Variants in WDR90 observed in about 807,000 individuals in gnomAD.
The protein encoded by WDR90 is WD repeat-containing protein 90.
Under a neutral mutation model 195.2 loss-of-function variants are expected in WDR90, and 238 were observed. That is an observed-to-expected ratio of 1.22 (90% confidence interval 1.10 to 1.36). WDR90 has a LOEUF of 1.36. WDR90 is among the 40% of genes most tolerant of loss of function. The pLI, the probability that WDR90 is intolerant of heterozygous loss-of-function variation, is 0.00. For missense variants in WDR90, 2,734 were observed against 2,439.5 expected (o/e 1.12, Z -2.54); for synonymous variants, 1,265 against 1,052.4 (o/e 1.20, Z -3.91).
intron 27 of WDR90, 95 bp downstream of exon 27, chr16:660,256 G>C (rs907670460): frequency 3.5e-6 from 4 of 1,159,100 alleles, no homozygotes; most frequent in African/African-American, 1.6e-5. Context: ...GCTTTTGGTC[G>C]CCAAAGGTGA....
At chr16:663,014 A>C in intron 34 of WDR90, 170 bp downstream of exon 34, 1 of 1,016,782 alleles carries the variant, frequency 9.8e-7, no homozygotes, top group Non-Finnish European at 1.5e-6. Context: ...CGTCCCCTCA[A>C]AGCCGTCCCG....
chr16:658,769 A>AC (rs781525238), intron 23 of WDR90, 116 bp downstream of exon 23: 322 of 1,548,820 alleles, frequency 2.1e-4, no homozygotes, highest in Non-Finnish European at 2.7e-4. Context: ...GGTGAGAGTG[A>AC]CCCCCCAAGG....
rs1362424927 is a variant in WDR90, at chr16:662,244, G to T, written c.4058G>T (p.Arg1353Leu). The part of the protein sequence containing the change: ...GIGLLLFSGS[R>L]LVSGSSTGRL... ...GGGCTGTTGCTGTTCTCGGGTTCTC[G>T]ATTGGTCAGCGGCAGCAGCACGGGG... is the stretch of plus-strand genomic sequence containing the variant. Residue 1353 changes from arginine to leucine, a missense_variant, in exon 33 of 41, where the codon CGA (arginine) becomes CTA (leucine). Physicochemically the swap from Arg to Leu is moderately radical, Grantham distance 102. Transcript: ENST00000293879. 1 of 1,579,948 alleles carries T rather than the reference G, an allele frequency of 6.3e-7. No individual in the cohort carries two copies. Among genetic ancestry groups the T allele is most frequent in the Non-Finnish European group, 8.6e-7 (1 of 1,164,142 alleles).
intron 10 of WDR90, 45 bp from the exon 11 acceptor site, chr16:653,296 G>A: frequency 7.0e-7 from 1 of 1,430,176 alleles, no homozygotes; most frequent in Non-Finnish European, 9.2e-7. Context: ...GCCAGGAGGG[G>A]CCTGGCGTAG....
chr16:649,367 T>G lies in WDR90; in HGVS notation c.-50T>G. The G allele has an allele frequency of 7.5e-7, 1 of 1,331,084 alleles. No individual in the cohort carries two copies. The allele number at this position is 1,331,084 out of a possible 1,614,324, so 82.5% of individuals were successfully genotyped here. On this transcript the variant is annotated 5_prime_UTR_variant, in exon 1 of 41. Transcript: ENST00000293879. ...CGTTGCCTGGCGTCGCGGGGCGTAC[T>G]CTGCGCTGGGCGCGCGGAGGCCTAG...
At chr16:662,984 G>A (rs1433035052) in intron 34 of WDR90, 140 bp downstream of exon 34, 14 of 1,338,438 alleles carry the variant, frequency 1.0e-5, no homozygotes, top group South Asian at 6.3e-5. Flanking sequence ...GGTTCCCAGC[G>A]GGGAAGTCTT....
Position 655,308 on chromosome 16 carries a change from A to C in WDR90, c.1558A>C (p.Met520Leu). The C allele has an allele frequency of 6.2e-7, 1 of 1,606,462 alleles. No individual in the cohort carries two copies. Among genetic ancestry groups the C allele is most frequent in the Non-Finnish European group, 8.5e-7 (1 of 1,179,700 alleles). Residue 520 changes from methionine (M) to leucine (L), a missense_variant and splice_region_variant, in exon 15 of 41, where the codon ATG becomes CTG. Met to Leu is a conservative substitution (Grantham distance 15). Coordinates refer to ENST00000293879, the MANE Select transcript of WDR90 (RefSeq NM_145294.5). ...GTGCTCAGTCCTCATTCCTTGCAGG[A>C]TGGCGTCGTGCGGGCAGGGCAGTGT... is the stretch of plus-strand genomic sequence containing the variant. The part of the protein sequence containing the change: ...FRVTFFDETR[M>L]ASCGQGSVRL...
In WDR90 at chr16:667,588, G is replaced by C; in HGVS notation, c.5246G>C (p.Ter1749SerextTer54). The C allele has an allele frequency of 3.1e-6, 5 of 1,607,116 alleles. No homozygotes were observed. The highest frequency in any genetic ancestry group is 4.2e-6 in the Non-Finnish European group (5 of 1,179,952). ...EILVWEVPGL[*>S] The stretch of plus-strand genomic sequence containing the variant: ...CTTGTGTGGGAGGTCCCCGGCCTCT[G>C]AGATGCAGCAGGGACTGTGGTGGTG... The change falls in exon 41 of 41, where the codon TGA becomes TCA. Residue 1749 changes from the stop codon to serine, a stop_lost. Coordinates refer to ENST00000293879, the MANE Select transcript of WDR90 (RefSeq NM_145294.5).
Position 656,402 on chromosome 16 carries a change from C to T in WDR90, c.2067C>T (p.Ser689=), listed in dbSNP as rs1425807535. Residue 689 remains serine (S), a synonymous_variant, in exon 18 of 41, where the codon TCC becomes TCT. Transcript: ENST00000293879. ...ACCTGGGCTTCCTGGACACGCTGTC[C>T]CGGGTGTACCACATGCTGGCTCGCT... ...SGHLGFLDTL[S]RVYHMLARSH... is the part of the protein sequence containing the mutation. The T allele has an allele frequency of 4.4e-6, 7 of 1,608,212 alleles. No individual in the cohort carries two copies. The highest frequency in any genetic ancestry group is 2.2e-4 in the Middle Eastern group (1 of 4,576).
intron 2 of WDR90, 35 bp from the exon 3 acceptor site, chr16:649,956 G>C (rs1045992072): frequency 6.2e-7 from 1 of 1,609,944 alleles, no homozygotes. Context: ...ACTTCTTCTG[G>C]GTGCTGTCGG....
At position 656,783 on chromosome 16, in the gene WDR90, C is replaced by T. The variant is rs750079031; in HGVS notation, c.2254C>T (p.Pro752Ser). 9 of 1,613,132 alleles carry T rather than the reference C, an allele frequency of 5.6e-6. No individual in the cohort carries two copies. Among genetic ancestry groups the T allele is most frequent in the Non-Finnish European group, 7.6e-6 (9 of 1,179,978 alleles). Reference protein sequence around the residue: ...EDAPCAVTFHPTRPTFFCGFS... With the variant: ...EDAPCAVTFHSTRPTFFCGFS... ...CGCCCCGTGCGCTGTCACCTTCCAC[C>T]CCACAAGGCCAACCTTTTTCTGTGG... The change falls in exon 19 of 41, where the codon CCC becomes TCC. Residue 752 changes from proline (P) to serine (S), a missense_variant. Pro to Ser is a moderately conservative substitution (Grantham distance 74). Coordinates refer to ENST00000293879, the MANE Select transcript of WDR90 (RefSeq NM_145294.5).
rs915323536 is a variant in WDR90, at chr16:653,418, G to A, written c.1200G>A (p.Gly400=). The A allele has an allele frequency of 2.5e-6, 4 of 1,611,388 alleles. No individual in the cohort carries two copies. Among genetic ancestry groups the A allele is most frequent in the Admixed American group, 1.7e-5 (1 of 59,444 alleles). ...TCGTCGTCCTGCTCGTGGACACGGG[G>A]GAGCAGCGCTTCTTCCTTGGCCACA... ...AVIVVLLVDT[G]EQRFFLGHTD... The change falls in exon 11 of 41, where the codon GGG becomes GGA. Residue 400 remains glycine (G), a synonymous_variant. Coordinates refer to ENST00000293879, the MANE Select transcript of WDR90 (RefSeq NM_145294.5).
chr16:649,233 C>T (rs191668764), upstream of WDR90: 831 of 624,126 alleles, frequency 1.3e-3, 7 homozygotes, highest in African/African-American at 0.014. Context: ...CTGGAGCAAC[C>T]CTGGAGGCCG....
rs747016295 is a variant in WDR90, at chr16:655,359, G to A, written c.1609G>A (p.Val537Met). ...SVRLWRLRGG[V>M]LRSCPVDLGE... ...GCGGCTCTGGCGGCTGCGTGGCGGG[G>A]TGCTGCGTTCCTGCCCCGTGGACTT... The change falls in exon 15 of 41, where the codon GTG becomes ATG. Residue 537 changes from valine (V) to methionine (M), a missense_variant. Physicochemically the swap from Val to Met is conservative, Grantham distance 21. Transcript: ENST00000293879. The A allele has an allele frequency of 4.4e-6, 7 of 1,602,028 alleles. No individual in the cohort carries two copies. Among genetic ancestry groups the A allele is most frequent in the Non-Finnish European group, 5.9e-6 (7 of 1,179,158 alleles).
chr16:664,307 G>A (rs116893099), intron 34 of WDR90, among the ~76,000 whole-genome samples: 5 of 152,336 alleles, frequency 3.3e-5, no homozygotes, highest in Middle Eastern at 3.4e-3. Context: ...AGGATATTCT[G>A]TAGGAACTGG....
rs759188844 is a variant in WDR90, at chr16:666,595, G to A, written c.4881G>A (p.Thr1627=). 17 of 1,612,278 alleles carry A rather than the reference G, an allele frequency of 1.1e-5. No individual in the cohort carries two copies. Among genetic ancestry groups the A allele is most frequent in the South Asian group, 3.3e-5 (3 of 91,058 alleles). The part of the protein sequence containing the change: ...DWLSFPMPAT[T]ETQGHLPPSL... ...TGAGTTTCCCAATGCCTGCCACCACGGAGGTAAACCATGCTCCTGGCACTG... is the reference window on the plus strand; with the variant it reads ...TGAGTTTCCCAATGCCTGCCACCACAGAGGTAAACCATGCTCCTGGCACTG... The change falls in exon 38 of 41, where the codon ACG becomes ACA. Residue 1627 remains threonine (T), a synonymous_variant. Transcript: ENST00000293879.
chr16:652,509 G>A lies in WDR90; in HGVS notation c.1096G>A (p.Gly366Ser), dbSNP rs200742943. Residue 366 changes from glycine to serine, a missense_variant, in exon 10 of 41, where the codon GGC becomes AGC. Coordinates refer to ENST00000293879, the MANE Select transcript of WDR90 (RefSeq NM_145294.5). ...AGTCCTGAGGCTCAAGGGCGTCATC[G>A]GCTTTGGGGGCCACGGCACCAGACA... ...DPVLRLKGVI[G>S]FGGHGTRQAL... 5.6e-6 allele frequency: 9 copies of A among 1,610,410 alleles called. No individual in the cohort carries two copies. The Admixed American group carries it at 6.7e-5, about 12-fold the overall frequency.
At position 653,196 on chromosome 16, in the gene WDR90, C is replaced by T. The variant is rs528542688; in HGVS notation, c.1123-145C>T. On this transcript the variant is annotated intron_variant, in intron 10 of 40. Transcript: ENST00000293879. ...GTGCAGGGTGTGTGTTCTCTCTTGC[C>T]CCTGGGTGGCTGTGTGCCCAGGTGT... is the stretch of plus-strand genomic sequence containing the variant. The T allele has an allele frequency of 2.9e-4, 180 of 623,158 alleles. No individual in the cohort carries two copies. The East Asian group carries it at 4.7e-3, about 16-fold the overall frequency. 38.6% of individuals were successfully genotyped at this position (623,158 alleles called of 1,614,324 possible).
At chr16:657,656 C>T (rs1596463868) in intron 20 of WDR90, 106 bp from the exon 21 acceptor site, 1 of 1,387,728 alleles carries the variant, frequency 7.2e-7, no homozygotes, top group East Asian at 2.6e-5. Flanking sequence ...TGCTCCGGGG[C>T]TGGTGTTTCC....
Sources: allele counts gnomAD v4.1 joint callset (sites outside exome capture counted in the v4.1 genomes callset), GRCh38; gene constraint gnomAD v4.1.1; transcripts MANE v1.5; gene names NCBI Gene and HGNC (gene_info 2026-07-23, HGNC 2026-07-21).